CCDC7: variants seen among roughly 807,000 people sequenced by gnomAD.
CCDC7 encodes coiled-coil domain containing 7, also known as coiled-coil domain-containing protein 7.
Under a neutral mutation model 196.9 loss-of-function variants are expected in CCDC7, and 183 were observed. The observed-to-expected ratio is 0.93, with a 90% CI of 0.82 to 1.05. The LOEUF is 1.05. Ranked by LOEUF, CCDC7 falls within the 50% of genes least tolerant of loss-of-function variation. CCDC7 has a pLI of 0.00. For synonymous variants in CCDC7, 525 were observed against 484.6 expected, an observed-to-expected ratio of 1.08 and a Z score of -1.10; for missense variants, 1,540 against 1,482.2, an observed-to-expected ratio of 1.04 and a Z score of -0.64.
At chr10:32,449,370 T>C (rs1205497297), upstream of CCDC7, among the ~76,000 whole-genome samples, 1 of 152,106 alleles carries the variant, frequency 6.6e-6, no homozygotes, top group Non-Finnish European at 1.5e-5. Flanking sequence ...GTATTTTTAA[T>C]AGAGACAGGG....
intron 13 of CCDC7, among the ~76,000 whole-genome samples, chr10:32,553,276 G>A (rs536197400): frequency 6.6e-6 from 1 of 151,698 alleles, no homozygotes; most frequent in East Asian, 1.9e-4. Context: ...ATTGTTGATT[G>A]TTTTTTTCTT....
chr10:32,879,998 G>A (rs1055357908), downstream of CCDC7, among the ~76,000 whole-genome samples: 8 of 152,044 alleles, frequency 5.3e-5, no homozygotes, highest in African/African-American at 1.9e-4. Flanking sequence ...TATAAATAAT[G>A]CTGAAATGAA....
At chr10:32,745,276 C>T (rs1485086967) in intron 28 of CCDC7, among the ~76,000 whole-genome samples, 4 of 152,148 alleles carry the variant, frequency 2.6e-5, no homozygotes, top group Admixed American at 2.0e-4. Context: ...TGTGTTGTCT[C>T]TTGTCTTAGT....
At chr10:32,582,106 C>CTATA (rs6143863) in intron 16 of CCDC7, among the ~76,000 whole-genome samples, 2,615 of 103,358 alleles carry the variant, frequency 0.025, 123 homozygotes, top group Non-Finnish European at 0.034. Context: ...ACTGTCAGCA[C>CTATA]TATATATATA....
chr10:32,663,542 T>C (rs2071975302), intron 20 of CCDC7, among the ~76,000 whole-genome samples: 1 of 152,168 alleles, frequency 6.6e-6, no homozygotes, highest in Non-Finnish European at 1.5e-5. Context: ...CATTACCTTC[T>C]ATAAATCCCT....
intron 18 of CCDC7, among the ~76,000 whole-genome samples, chr10:32,615,311 C>T (rs2062658085): frequency 6.6e-6 from 1 of 152,088 alleles, no homozygotes; most frequent in African/African-American, 2.4e-5. Context: ...TATAGTGTTC[C>T]CTTTTCTCTG....
In CCDC7 at chr10:32,541,326, A is replaced by G. The variant is rs556175594; in HGVS notation, c.994-1974A>G. 2.5e-4 allele frequency among the ~76,000 whole-genome samples: 32 copies of G among 126,136 alleles called. No individual in the cohort carries two copies. The South Asian group carries it at 7.1e-3, about 28-fold the overall frequency. 82.8% of individuals were successfully genotyped at this position (126,136 alleles called of 152,430 possible). ...CCTCTCACTGAGTTTACACAGAAAC[A>G]TGGCCACTGGGCTGGAAGCTCTAGG... On this transcript the variant is annotated intron_variant, in intron 11 of 41. Transcript: ENST00000639629.
At chr10:32,755,238 C>A (rs969900293) in intron 28 of CCDC7, among the ~76,000 whole-genome samples, 1 of 152,186 alleles carries the variant, frequency 6.6e-6, no homozygotes, top group Non-Finnish European at 1.5e-5. Flanking sequence ...CAGACTTAAA[C>A]GTCCCTGTCT....
chr10:32,775,260 T>G lies in CCDC7; in HGVS notation c.2906-3717T>G, dbSNP rs184505246. Among the ~76,000 whole-genome samples, 302 of 152,336 alleles carry G rather than the reference T, an allele frequency of 2.0e-3. 4 individuals carry two copies. The highest frequency in any genetic ancestry group is 8.2e-4 in the Non-Finnish European group (56 of 68,030). On this transcript the variant is annotated intron_variant, in intron 28 of 41. Transcript: ENST00000639629. ...GTATTCTCCAAAGCCTTGTGCCAGATTTCATGACAGTACTTTTAGTATCAG... is the reference window on the plus strand; with the variant it reads ...GTATTCTCCAAAGCCTTGTGCCAGAGTTCATGACAGTACTTTTAGTATCAG...
At position 32,470,919 on chromosome 10, in the gene CCDC7, A is replaced by C. The variant is rs796387255; in HGVS notation, c.511-145A>C. ...ATTGCTCATATAAATATATTTGTAA[A>C]ATATTGTATCATTACTTGGCTATAG... On this transcript the variant is annotated intron_variant, in intron 5 of 41. Transcript: ENST00000639629. The C allele has an allele frequency of 2.2e-4, 160 of 715,866 alleles. No individual in the cohort carries two copies. The East Asian group carries it at 3.7e-3, about 17-fold the overall frequency. The allele number at this position is 715,866 out of a possible 1,614,324, so 44.3% of individuals were successfully genotyped here. A position where few individuals can be genotyped will look rare whatever the true frequency, so the allele number is the denominator to read the frequency against.
chr10:32,635,250 G>A (rs2065442686), intron 20 of CCDC7, 92 bp downstream of exon 21: 1 of 387,770 alleles, frequency 2.6e-6, no homozygotes, highest in South Asian at 1.4e-4. Context: ...AACTTTTTTT[G>A]TAATTATTTT....
intron 28 of CCDC7, among the ~76,000 whole-genome samples, chr10:32,755,464 C>G (rs759503402): frequency 1.3e-5 from 2 of 152,106 alleles, no homozygotes; most frequent in Non-Finnish European, 2.9e-5. Context: ...TCTGCAGCCT[C>G]TGCTGGTGAT....
chr10:32,585,609 T>A (rs751195560), intron 18 of CCDC7, among the ~76,000 whole-genome samples: 7 of 152,110 alleles, frequency 4.6e-5, no homozygotes, highest in Non-Finnish European at 8.8e-5. Context: ...CCACTTATGA[T>A]TGAGAACATG....
intron 24 of CCDC7, among the ~76,000 whole-genome samples, chr10:32,701,805 A>G (rs2078777016): frequency 6.6e-6 from 1 of 152,116 alleles, no homozygotes; most frequent in African/African-American, 2.4e-5. Context: ...TTATTTGCAT[A>G]GAGGTGTTTA....
chr10:32,877,912 A>C (rs970180020), downstream of CCDC7, among the ~76,000 whole-genome samples: 9 of 152,024 alleles, frequency 5.9e-5, no homozygotes, highest in Non-Finnish European at 1.3e-4. Flanking sequence ...AAGGGAAATA[A>C]ACTAATGCCC....
chr10:32,682,252 C>T (rs1355569509), intron 21 of CCDC7, among the ~76,000 whole-genome samples: 1 of 152,158 alleles, frequency 6.6e-6, no homozygotes, highest in Non-Finnish European at 1.5e-5. Context: ...TAAGTGTACC[C>T]ACTTACAAGA....
chr10:32,848,751 T>C lies in CCDC7; in HGVS notation c.3895+33T>C, dbSNP rs200339270. The C allele has an allele frequency of 2.1e-5, 29 of 1,397,962 alleles. No homozygotes were observed. The East Asian group carries it at 6.4e-4, about 31-fold the overall frequency. The allele number at this position is 1,397,962 out of a possible 1,614,324, so 86.6% of individuals were successfully genotyped here. On this transcript the variant is annotated intron_variant, in intron 39 of 41. Transcript: ENST00000639629. ...ATTATGTATGTAGATATGAATTCAG[T>C]ATCTAATTACCTAGAATAGTTTTAA...
chr10:32,558,302 C>T (rs1404211671), intron 13 of CCDC7, among the ~76,000 whole-genome samples: 3 of 152,032 alleles, frequency 2.0e-5, no homozygotes, highest in Admixed American at 1.3e-4. Context: ...ATAATTAACA[C>T]TATTCGATTT....
At chr10:32,776,257 T>C (rs897573612) in intron 28 of CCDC7, among the ~76,000 whole-genome samples, 1 of 150,214 alleles carries the variant, frequency 6.7e-6, no homozygotes. Context: ...AATGTGCACA[T>C]GTACCCTAAA....
Sources: allele counts gnomAD v4.1 joint callset (sites outside exome capture counted in the v4.1 genomes callset), GRCh38; gene constraint gnomAD v4.1.1; transcripts MANE v1.5; gene names NCBI Gene and HGNC (gene_info 2026-07-23, HGNC 2026-07-21).